The following RALGPS2 variants were observed in gnomAD, a reference collection of about 807,000 sequenced individuals.
RALGPS2 encodes the protein ras-specific guanine nucleotide-releasing factor RalGPS2.
In RALGPS2, 43 loss-of-function variants were observed where a neutral mutation model predicts 86.8. The observed-to-expected ratio is 0.50, with a 90% CI of 0.39 to 0.64. The LOEUF (loss-of-function observed/expected upper bound fraction) is 0.64. Ranked by LOEUF, RALGPS2 falls within the 30% of genes least tolerant of loss-of-function variation. The pLI is 0.00. For missense variants in RALGPS2, 536 were observed against 694.6 expected, an observed-to-expected ratio of 0.77 and a Z score of 2.57; for synonymous variants, 243 against 231.3, an observed-to-expected ratio of 1.05 and a Z score of -0.46.
intron 7 of RALGPS2, 47 bp from the exon 8 acceptor site, chr1:178,833,374 CAAT>C: frequency 7.0e-7 from 1 of 1,431,574 alleles, no homozygotes; most frequent in Non-Finnish European, 9.1e-7. Flanking sequence ...GTCTTTGCTA[CAAT>C]AAAATGAGAT....
At chr1:178,848,226 G>A (rs534267919) in intron 8 of RALGPS2, among the ~76,000 whole-genome samples, 19 of 152,190 alleles carry the variant, frequency 1.2e-4, no homozygotes, top group African/African-American at 4.1e-4. Context: ...TGGGAGGATT[G>A]TTTGAGCCCA....
In RALGPS2 at chr1:178,744,084, A is replaced by G. The variant is rs73037759; in HGVS notation, c.-84+18665A>G. Among the ~76,000 whole-genome samples the G allele has an allele frequency of 9.9e-3, 1,507 of 152,344 alleles. 23 individuals carry two copies. Among genetic ancestry groups the G allele is most frequent in the African/African-American group, 0.035 (1,436 of 41,576 alleles). ...AGAAGACTACACAGAAATAACTCAC[A>G]TGAGCATACATACAAAAGTTCTAAC... On this transcript the variant is annotated intron_variant, in intron 1 of 19. Coordinates refer to ENST00000367635, the MANE Select transcript of RALGPS2 (RefSeq NM_152663.5).
intron 16 of RALGPS2, among the ~76,000 whole-genome samples, chr1:178,897,367 TGA>T (rs1158559935): frequency 1.3e-5 from 2 of 151,974 alleles, no homozygotes; most frequent in African/African-American, 4.8e-5. Context: ...CTTTAAAAAG[TGA>T]GAGAGAGTTG....
intron 1 of RALGPS2, among the ~76,000 whole-genome samples, chr1:178,775,920 C>CAAA (rs535964125): frequency 1.2e-5 from 1 of 86,746 alleles, no homozygotes; most frequent in African/African-American, 4.1e-5. Flanking sequence ...ATACTTGGGG[C>CAAA]AAAAAAAAAA....
At chr1:178,746,859 G>C in intron 1 of RALGPS2, 1 of 1,174,206 alleles carries the variant, frequency 8.5e-7, no homozygotes, top group Middle Eastern at 2.7e-4. Flanking sequence ...AGTCCTGTAC[G>C]TCAGTCACCT....
chr1:178,877,710 C>A, intron 9 of RALGPS2, 75 bp downstream of exon 9: 3 of 1,517,316 alleles, frequency 2.0e-6, no homozygotes, highest in South Asian at 2.3e-5. Flanking sequence ...CACTGATGAT[C>A]ACTTTTCACA....
At chr1:178,880,002 A>G (rs1659173484) in intron 10 of RALGPS2, among the ~76,000 whole-genome samples, 1 of 150,912 alleles carries the variant, frequency 6.6e-6, no homozygotes, top group Non-Finnish European at 1.5e-5. Flanking sequence ...TTGAAGCTTC[A>G]CTCTTTTCTT....
At chr1:178,831,628 C>T (rs1197400446) in intron 7 of RALGPS2, among the ~76,000 whole-genome samples, 1 of 116,076 alleles carries the variant, frequency 8.6e-6, no homozygotes, top group Non-Finnish European at 1.8e-5. Flanking sequence ...GTCCGCCCCG[C>T]CCCCCCCACC....
At chr1:178,905,483 A>G (rs983060897) in intron 18 of RALGPS2, among the ~76,000 whole-genome samples, 1 of 152,188 alleles carries the variant, frequency 6.6e-6, no homozygotes, top group Non-Finnish European at 1.5e-5. Flanking sequence ...TGAGTTCAGC[A>G]AGTGTAACGG....
At chr1:178,836,266 C>A (rs947894908) in intron 8 of RALGPS2, among the ~76,000 whole-genome samples, 2 of 152,164 alleles carry the variant, frequency 1.3e-5, no homozygotes, top group South Asian at 4.1e-4. Flanking sequence ...ATCATACCTA[C>A]GGGTTAAAGC....
chr1:178,747,553 C>T (rs1651406751), intron 1 of RALGPS2: 3 of 1,611,818 alleles, frequency 1.9e-6, no homozygotes, highest in Non-Finnish European at 1.7e-6. Context: ...AAACCATAAG[C>T]CAGAAATGGC....
At chr1:178,846,835 GTAA>G (rs1404496228) in intron 8 of RALGPS2, among the ~76,000 whole-genome samples, 4 of 152,154 alleles carry the variant, frequency 2.6e-5, no homozygotes, top group Non-Finnish European at 5.9e-5. Context: ...TAGCAGGAAA[GTAA>G]TAATTTCAGT....
intron 9 of RALGPS2, 138 bp downstream of exon 9, chr1:178,877,773 CTTGT>C: frequency 8.8e-7 from 1 of 1,131,964 alleles, no homozygotes; most frequent in Non-Finnish European, 1.2e-6. Context: ...GAAAATAATG[CTTGT>C]TTTATTTTGC....
intron 8 of RALGPS2, among the ~76,000 whole-genome samples, chr1:178,840,400 T>C (rs1023452926): frequency 1.3e-5 from 2 of 152,194 alleles, no homozygotes; most frequent in African/African-American, 4.8e-5. Flanking sequence ...CCTGAATGAC[T>C]ACTGGGTACA....
chr1:178,867,515 A>T (rs1454967045), intron 8 of RALGPS2, among the ~76,000 whole-genome samples: 1 of 152,084 alleles, frequency 6.6e-6, no homozygotes, highest in Non-Finnish European at 1.5e-5. Context: ...CTCAAATGGG[A>T]TTCAAACCTT....
chr1:178,865,177 G>A (rs771476694), intron 8 of RALGPS2: 8 of 1,612,524 alleles, frequency 5.0e-6, no homozygotes, highest in African/African-American at 1.3e-5. Flanking sequence ...ATATCCTCAA[G>A]CACTGTTCTT....
In RALGPS2 at chr1:178,876,344, G is replaced by A. The variant is rs879615695; in HGVS notation, c.608-1154G>A. Among the ~76,000 whole-genome samples, 26 of 152,158 alleles carry A rather than the reference G, an allele frequency of 1.7e-4. 1 individual carries two copies. In the East Asian group the frequency reaches 4.1e-3, roughly 24 times the overall value. On this transcript the variant is annotated intron_variant, in intron 8 of 19. Coordinates refer to ENST00000367635, the MANE Select transcript of RALGPS2 (RefSeq NM_152663.5). ...TTTTAAATTGGGCTATAAGTGAAAC[G>A]TCTGAGATCCAGCTGTCACTAACAG...
rs185485117 is a variant in RALGPS2 at position 178,757,464 on chromosome 1, C to T, written c.-83-19218C>T. On this transcript the variant is annotated intron_variant, in intron 1 of 19. Coordinates refer to ENST00000367635, the MANE Select transcript of RALGPS2 (RefSeq NM_152663.5). ...GCTCTTATTATTTTGAGGTATGTTCCTTTGATGCCTAGTTTTTTTGAGGGT... is the reference window on the plus strand; with the variant it reads ...GCTCTTATTATTTTGAGGTATGTTCTTTTGATGCCTAGTTTTTTTGAGGGT... Among the ~76,000 whole-genome samples the T allele has an allele frequency of 4.4e-3, 673 of 152,108 alleles. 3 individuals are homozygous for T. The highest frequency in any genetic ancestry group is 0.014 in the Middle Eastern group (4 of 294).
At position 178,882,411 on chromosome 1, in the gene RALGPS2, G is replaced by A. The variant is rs187756419; in HGVS notation, c.837-1055G>A. ...AATATTTGTCACATGAATGAATGCA[G>A]TATAGTTTGTAGCCTAAATAATTAA... is the stretch of plus-strand genomic sequence containing the variant. On this transcript the variant is annotated intron_variant, in intron 10 of 19. Transcript: ENST00000367635. Among the ~76,000 whole-genome samples, 263 of 152,300 alleles carry A rather than the reference G, an allele frequency of 1.7e-3. 1 individual carries two copies. The highest frequency in any genetic ancestry group is 3.4e-3 in the Middle Eastern group (1 of 294).
Sources: allele counts gnomAD v4.1 joint callset (sites outside exome capture counted in the v4.1 genomes callset), GRCh38; gene constraint gnomAD v4.1.1; transcripts MANE v1.5; gene names NCBI Gene and HGNC (gene_info 2026-07-23, HGNC 2026-07-21).